Variants in DNM3 observed in about 807,000 individuals in gnomAD.
The protein encoded by DNM3 is dynamin-3.
In DNM3, 47 loss-of-function variants were observed where a neutral mutation model predicts 101.6. That is an observed-to-expected ratio of 0.46 (90% CI 0.37 to 0.59). The LOEUF (loss-of-function observed/expected upper bound fraction) is 0.59, where lower values mean the gene tolerates loss of function less well. Among genes scored for constraint, DNM3 ranks in the 20% least tolerant of loss-of-function variants. DNM3 has a pLI of 0.00. For synonymous variants in DNM3, 385 were observed against 387.9 expected (o/e 0.99, Z 0.09); for missense variants, 849 against 1,085.7 (o/e 0.78, Z 3.06).
chr1:171,889,584 A>G (rs777364195), intron 1 of DNM3, among the ~76,000 whole-genome samples: 2 of 152,224 alleles, frequency 1.3e-5, no homozygotes, highest in Non-Finnish European at 2.9e-5. Flanking sequence ...CTCTTGACAG[A>G]AAGAATTTGC....
At chr1:172,308,040 A>T (rs1288521480) in intron 15 of DNM3, among the ~76,000 whole-genome samples, 1 of 152,004 alleles carries the variant, frequency 6.6e-6, no homozygotes, top group African/African-American at 2.4e-5. Flanking sequence ...AATCTTAAAT[A>T]AAAAAAAGAA....
At chr1:172,359,992 G>A (rs1314493396) in intron 17 of DNM3, among the ~76,000 whole-genome samples, 1 of 151,800 alleles carries the variant, frequency 6.6e-6, no homozygotes, top group South Asian at 2.1e-4. Context: ...TATGACCTTG[G>A]AGGAAAAAAA....
At chr1:172,039,471 T>C (rs912215562) in intron 7 of DNM3, among the ~76,000 whole-genome samples, 171 of 152,116 alleles carry the variant, frequency 1.1e-3, no homozygotes, top group African/African-American at 3.8e-3. Context: ...TTTTTTTTTT[T>C]CAGATATAAC....
intron 15 of DNM3, chr1:172,289,642 T>C (rs2063827489): frequency 1.2e-5 from 12 of 982,286 alleles, no homozygotes; most frequent in African/African-American, 1.7e-5. Flanking sequence ...CTCAATTTAA[T>C]GCTGACAATC....
At chr1:172,383,944 T>A (rs1008993895) in intron 18 of DNM3, among the ~76,000 whole-genome samples, 3 of 152,224 alleles carry the variant, frequency 2.0e-5, no homozygotes, top group African/African-American at 7.2e-5. Context: ...AGATCTCAAA[T>A]TTAAGTATAA....
At chr1:171,992,226 G>A (rs2045684290) in intron 4 of DNM3, among the ~76,000 whole-genome samples, 1 of 151,922 alleles carries the variant, frequency 6.6e-6, no homozygotes, top group African/African-American at 2.4e-5. Context: ...AATATTAATG[G>A]GCAGTAACTA....
intron 10 of DNM3, among the ~76,000 whole-genome samples, chr1:172,052,827 AG>A (rs754207140): frequency 2.0e-5 from 3 of 152,170 alleles, no homozygotes; most frequent in African/African-American, 2.4e-5. Context: ...TGTCTGTAAT[AG>A]TTCAACTACC....
intron 1 of DNM3, among the ~76,000 whole-genome samples, chr1:171,889,001 G>A (rs1164869705): frequency 2.6e-5 from 4 of 151,980 alleles, no homozygotes; most frequent in African/African-American, 9.7e-5. Flanking sequence ...TTTGAGACAG[G>A]GCCTCTCTCT....
chr1:172,070,811 G>T (rs2052102650), intron 11 of DNM3, among the ~76,000 whole-genome samples: 1 of 151,936 alleles, frequency 6.6e-6, no homozygotes, highest in Admixed American at 6.6e-5. Flanking sequence ...ACAAGGCCAG[G>T]TGTAGTGGCT....
chr1:172,193,305 A>G (rs1276362569), intron 14 of DNM3, among the ~76,000 whole-genome samples: 2 of 152,130 alleles, frequency 1.3e-5, no homozygotes, highest in Non-Finnish European at 2.9e-5. Context: ...CATCAGGGAT[A>G]TTGGTCTAAA....
chr1:171,847,371 A>T (rs781157728), intron 1 of DNM3, among the ~76,000 whole-genome samples: 5 of 152,226 alleles, frequency 3.3e-5, no homozygotes, highest in Non-Finnish European at 7.3e-5. Flanking sequence ...GGCAGCCCAT[A>T]TCATTTTAGC....
intron 13 of DNM3, among the ~76,000 whole-genome samples, chr1:172,102,305 G>T (rs1238990934): frequency 6.6e-6 from 1 of 152,018 alleles, no homozygotes; most frequent in African/African-American, 2.4e-5. Flanking sequence ...TATCTCCAAA[G>T]GGGCCAGTCA....
intron 2 of DNM3, among the ~76,000 whole-genome samples, chr1:171,944,752 T>A (rs2042046727): frequency 6.6e-6 from 1 of 151,990 alleles, no homozygotes; most frequent in Non-Finnish European, 1.5e-5. Context: ...TAAGGAATGT[T>A]GGTCCAATAA....
At chr1:172,036,425 T>C (rs1446249237) in intron 6 of DNM3, among the ~76,000 whole-genome samples, 4 of 151,964 alleles carry the variant, frequency 2.6e-5, no homozygotes, top group Non-Finnish European at 5.9e-5. Context: ...CAAAACAGCA[T>C]GGTACTGGTA....
chr1:172,266,889 A>G (rs1420298712), intron 15 of DNM3, among the ~76,000 whole-genome samples: 5 of 152,148 alleles, frequency 3.3e-5, no homozygotes, highest in Non-Finnish European at 5.9e-5. Context: ...TTTACGTGTG[A>G]TATAAAAATT....
chr1:172,344,508 T>G (rs1296001696), intron 17 of DNM3, among the ~76,000 whole-genome samples: 1 of 152,262 alleles, frequency 6.6e-6, no homozygotes, highest in African/African-American at 2.4e-5. Context: ...AATTGCAATC[T>G]TCTATTCTGA....
intron 2 of DNM3, among the ~76,000 whole-genome samples, chr1:171,942,756 C>T (rs2125416458): frequency 6.6e-6 from 1 of 152,222 alleles, no homozygotes; most frequent in East Asian, 1.9e-4. Context: ...ACTAAGTCTT[C>T]CTGGAGCTGA....
chr1:172,061,525 A>G (rs1414383683), intron 10 of DNM3, among the ~76,000 whole-genome samples: 2 of 151,894 alleles, frequency 1.3e-5, no homozygotes, highest in Admixed American at 1.3e-4. Flanking sequence ...GCCATAAAAA[A>G]TGATGAGTTC....
intron 4 of DNM3, among the ~76,000 whole-genome samples, chr1:172,003,385 C>T (rs1018888208): frequency 3.9e-5 from 6 of 151,944 alleles, no homozygotes; most frequent in Non-Finnish European, 7.4e-5. Flanking sequence ...ATTCTACAAG[C>T]CATCCCCAGA....
Sources: allele counts gnomAD v4.1 joint callset (sites outside exome capture counted in the v4.1 genomes callset), GRCh38; gene constraint gnomAD v4.1.1; transcripts MANE v1.5; gene names NCBI Gene and HGNC (gene_info 2026-07-23, HGNC 2026-07-21).